Variants in ERC1 observed in about 807,000 individuals in gnomAD.
ERC1 encodes the protein ELKS/RAB6-interacting/CAST family member 1.
A neutral mutation model predicts 132.0 loss-of-function variants in ERC1; 56 were observed. The ratio of observed to expected loss-of-function variants is 0.42; its 90% CI spans 0.34 to 0.53. ERC1 has a LOEUF of 0.53. Ranked by LOEUF, ERC1 falls within the 20% of genes least tolerant of loss-of-function variation. ERC1 has a pLI of 0.03. For synonymous variants in ERC1, 478 were observed against 476.1 expected (o/e 1.00, Z -0.05); for missense variants, 1,202 against 1,349.9 (o/e 0.89, Z 1.72).
chr12:1,199,412 T>C (rs897578184), intron 12 of ERC1, among the ~76,000 whole-genome samples: 1 of 152,196 alleles, frequency 6.6e-6, no homozygotes, highest in Non-Finnish European at 1.5e-5. Flanking sequence ...CAACCTAGTG[T>C]GTATTTATAG....
chr12:1,061,990 T>TTC (rs1938058267), intron 2 of ERC1, among the ~76,000 whole-genome samples: 2 of 107,772 alleles, frequency 1.9e-5, no homozygotes, highest in African/African-American at 1.1e-4. Flanking sequence ...TCTTTTCTTC[T>TTC]TTTTTTTTTT....
chr12:1,388,803 T>C (rs1249409449), intron 16 of ERC1, among the ~76,000 whole-genome samples: 1 of 152,114 alleles, frequency 6.6e-6, no homozygotes, highest in Non-Finnish European at 1.5e-5. Context: ...ATAGGGTAGT[T>C]GAGATGGAGT....
chr12:1,180,504 T>C (rs748500836), intron 8 of ERC1, 36 bp from the exon 9 acceptor site: 22 of 1,596,412 alleles, frequency 1.4e-5, no homozygotes, highest in Non-Finnish European at 1.8e-5. Flanking sequence ...TTTATACATG[T>C]CCTCTCTTTT....
At chr12:1,222,293 G>C (rs1357740410) in intron 12 of ERC1, among the ~76,000 whole-genome samples, 4 of 151,320 alleles carry the variant, frequency 2.6e-5, no homozygotes, top group Middle Eastern at 3.4e-3. Context: ...GCAGTGGCGC[G>C]ATCTTGGCTC....
At chr12:1,368,318 A>G (rs1258342994) in intron 15 of ERC1, among the ~76,000 whole-genome samples, 1 of 152,058 alleles carries the variant, frequency 6.6e-6, no homozygotes, top group Non-Finnish European at 1.5e-5. Flanking sequence ...GGTAATTTTT[A>G]TTTTCTTTAT....
chr12:1,399,125 AT>A (rs1314093090), intron 16 of ERC1, among the ~76,000 whole-genome samples: 1 of 148,234 alleles, frequency 6.7e-6, no homozygotes, highest in Non-Finnish European at 1.5e-5. Flanking sequence ...ATTTTTTTTT[AT>A]TTTTTTGTAG....
intron 12 of ERC1, among the ~76,000 whole-genome samples, chr12:1,198,284 G>C (rs1956532046): frequency 6.6e-6 from 1 of 152,172 alleles, no homozygotes; most frequent in Non-Finnish European, 1.5e-5. Context: ...AATATTAAAT[G>C]ATAGTAGCTT....
intron 18 of ERC1, among the ~76,000 whole-genome samples, chr12:1,486,783 T>A (rs374803934): frequency 1.3e-5 from 2 of 152,148 alleles, no homozygotes; most frequent in Admixed American, 6.6e-5. Flanking sequence ...CTGAAAAAAA[T>A]GTTCTTAAAC....
intron 15 of ERC1, among the ~76,000 whole-genome samples, chr12:1,344,007 A>T (rs2084182871): frequency 6.6e-6 from 1 of 151,954 alleles, no homozygotes; most frequent in Non-Finnish European, 1.5e-5. Context: ...GCACCCGGCT[A>T]ATTTTTTGTA....
At chr12:1,184,290 T>A (rs1954823551) in intron 11 of ERC1, among the ~76,000 whole-genome samples, 1 of 152,046 alleles carries the variant, frequency 6.6e-6, no homozygotes. Context: ...GCTTTTTTTT[T>A]AAAGACAGGG....
intron 8 of ERC1, among the ~76,000 whole-genome samples, chr12:1,162,592 A>C (rs1951986889): frequency 6.6e-6 from 1 of 152,024 alleles, no homozygotes; most frequent in Middle Eastern, 3.2e-3. Context: ...TTTTCTGTGA[A>C]GTCTTGGATA....
intron 12 of ERC1, 37 bp from the exon 13 acceptor site, chr12:1,236,732 C>G (rs771285582): frequency 4.3e-5 from 69 of 1,597,910 alleles, no homozygotes; most frequent in Non-Finnish European, 5.8e-5. Context: ...TCTATACATA[C>G]ATATGCAAAG....
intron 16 of ERC1, among the ~76,000 whole-genome samples, chr12:1,405,133 C>T (rs1451240303): frequency 1.6e-5 from 2 of 122,088 alleles, no homozygotes; most frequent in Non-Finnish European, 3.4e-5. Context: ...GAACGAGACT[C>T]CGGCTCAAAA....
chr12:1,356,103 C>T (rs1356802485), intron 15 of ERC1, among the ~76,000 whole-genome samples: 1 of 151,486 alleles, frequency 6.6e-6, no homozygotes, highest in East Asian at 1.9e-4. Flanking sequence ...ACTTGCAGGG[C>T]TGAGATGGGA....
At chr12:1,203,337 C>T (rs1364276516) in intron 12 of ERC1, among the ~76,000 whole-genome samples, 3 of 152,198 alleles carry the variant, frequency 2.0e-5, no homozygotes, top group Admixed American at 1.3e-4. Flanking sequence ...GGATTACAGG[C>T]GTGAGCCACT....
chr12:1,377,691 A>G (rs770691432), intron 16 of ERC1, among the ~76,000 whole-genome samples: 1 of 152,192 alleles, frequency 6.6e-6, no homozygotes, highest in South Asian at 2.1e-4. Context: ...ATGGCTGTAT[A>G]TCATCTATCT....
At chr12:1,411,677 C>T (rs1021169493) in intron 17 of ERC1, among the ~76,000 whole-genome samples, 10 of 152,102 alleles carry the variant, frequency 6.6e-5, no homozygotes, top group Admixed American at 5.9e-4. Context: ...CATGTGAGAC[C>T]GTGCAGTAGC....
intron 13 of ERC1, among the ~76,000 whole-genome samples, chr12:1,247,928 G>A (rs1453052921): frequency 6.6e-6 from 1 of 152,134 alleles, no homozygotes; most frequent in Non-Finnish European, 1.5e-5. Flanking sequence ...CCTGGGAGGT[G>A]GAGGTTGCGG....
At chr12:1,210,760 C>T (rs1819256938) in intron 12 of ERC1, among the ~76,000 whole-genome samples, 1 of 152,044 alleles carries the variant, frequency 6.6e-6, no homozygotes, top group Non-Finnish European at 1.5e-5. Flanking sequence ...TTTTGGGAGG[C>T]CGAGGCAGAT....
Sources: allele counts gnomAD v4.1 joint callset (sites outside exome capture counted in the v4.1 genomes callset), GRCh38; gene constraint gnomAD v4.1.1; transcripts MANE v1.5; gene names NCBI Gene and HGNC (gene_info 2026-07-23, HGNC 2026-07-21).